MDGA1: variants seen among roughly 807,000 people sequenced by gnomAD.
The protein encoded by MDGA1 is MAM domain-containing glycosylphosphatidylinositol anchor protein 1.
A neutral mutation model predicts 101.5 loss-of-function variants in MDGA1; 54 were observed. The observed-to-expected ratio is 0.53, with a 90% CI of 0.43 to 0.67. The LOEUF (loss-of-function observed/expected upper bound fraction) is 0.67, where lower values mean the gene tolerates loss of function less well. Among genes scored for constraint, MDGA1 ranks in the 30% least tolerant of loss-of-function variants. MDGA1 has a pLI of 0.00. For missense variants in MDGA1, 1,083 were observed against 1,323.8 expected (o/e 0.82, Z 2.82); for synonymous variants, 533 against 558.3 (o/e 0.95, Z 0.64).
In MDGA1 at chr6:37,649,194, G is replaced by A. The variant is rs1306397711; in HGVS notation, c.1682C>T (p.Ser561Leu). The change falls in exon 9 of 17, where the codon TCG becomes TTG. Residue 561 changes from serine to leucine, a missense_variant. By Grantham distance (145) the Ser-to-Leu change is moderately radical. This residue lies in a region of MDGA1 where 657 missense variants were observed against 771.4 expected (regional missense o/e 0.85). Transcript: ENST00000434837. ...GCGCTGGGGGCTGCCTCGCAGCAGC[G>A]AGCAGCGCAGGAGCACGGGCCGGCC... ...ALGRPVLLRC[S>L]LLRGSPQRIA... The A allele has an allele frequency of 2.7e-6, 4 of 1,504,028 alleles. No homozygotes were observed. The highest frequency in any genetic ancestry group is 3.5e-6 in the Non-Finnish European group (4 of 1,134,918). The allele number at this position is 1,504,028 out of a possible 1,614,324, so 93.2% of individuals were successfully genotyped here. A position where few individuals can be genotyped will look rare whatever the true frequency, so the allele number is the denominator to read the frequency against.
intron 5 of MDGA1, 126 bp downstream of exon 5, chr6:37,654,674 G>A: frequency 2.0e-6 from 3 of 1,537,604 alleles, no homozygotes; most frequent in Non-Finnish European, 2.7e-6. Context: ...AGACGGAGCA[G>A]GAAGAGGAGG....
intron 1 of MDGA1, among the ~76,000 whole-genome samples, chr6:37,666,757 G>A (rs1425473813): frequency 6.6e-6 from 1 of 152,214 alleles, no homozygotes; most frequent in South Asian, 2.1e-4. Flanking sequence ...GAGAGATATA[G>A]AAGGCCCTGG....
At chr6:37,665,551 G>A (rs551465980) in intron 1 of MDGA1, among the ~76,000 whole-genome samples, 16 of 152,302 alleles carry the variant, frequency 1.1e-4, no homozygotes, top group African/African-American at 3.9e-4. Flanking sequence ...GCCCTGGCCT[G>A]GAGATAAGCA....
rs1761392322 is a variant in MDGA1 at position 37,652,416 on chromosome 6, CCCAGCTTCT to C, written c.983-85_983-77del. The C allele has an allele frequency of 8.8e-7, 1 of 1,142,184 alleles. No homozygotes were observed. The allele number at this position is 1,142,184 out of a possible 1,614,324, so 70.8% of individuals were successfully genotyped here. ...GGTCCATGTCCCACCCCAACCCAGA[CCCAGCTTCT>C]CCCCTCTAGCTGGCCCTTCTGGGGA... On this transcript the variant is annotated intron_variant, in intron 6 of 16. Transcript: ENST00000434837. This position sits in a 1 kb window ranked among gnomAD's most constrained non-coding sequence, Gnocchi z 4.3.
chr6:37,637,606 C>A, intron 16 of MDGA1, 147 bp from the exon 17 acceptor site: 1 of 645,858 alleles, frequency 1.5e-6, no homozygotes, highest in Non-Finnish European at 2.7e-6. Context: ...CACAGACAAA[C>A]TCACCGCACA....
intron 2 of MDGA1, among the ~76,000 whole-genome samples, chr6:37,658,907 G>A (rs1761557947): frequency 6.9e-6 from 1 of 145,218 alleles, no homozygotes; most frequent in Admixed American, 7.2e-5. Context: ...GGAGGCGGGG[G>A]TTGCAGTGAG....
rs767727903 is a variant in MDGA1 at position 37,650,274 on chromosome 6, C to A, written c.1444G>T (p.Ala482Ser). 5 of 1,607,392 alleles carry A rather than the reference C, an allele frequency of 3.1e-6. No individual in the cohort carries two copies. In the African/African-American group the frequency reaches 6.7e-5, roughly 21 times the overall value. Residue 482 changes from alanine (A) to serine (S), a missense_variant, in exon 8 of 17, where the codon GCT (alanine) becomes TCT (serine). This residue lies in a region of MDGA1 where 657 missense variants were observed against 771.4 expected (regional missense o/e 0.85). Coordinates refer to ENST00000434837, the MANE Select transcript of MDGA1 (RefSeq NM_153487.4). ...GGCAGCCCCGAGGGCAGCAGTGCAG[C>A]CTCCTTGTCCACGCGGGACCAGAGC... ...PVLWSRVDKE[A>S]ALLPSGLPLE...
chr6:37,643,985 C>A, intron 13 of MDGA1, 42 bp from the exon 14 acceptor site: 1 of 1,607,716 alleles, frequency 6.2e-7, no homozygotes, highest in Non-Finnish European at 8.5e-7. Context: ...CCCAAGACAG[C>A]CAGGCCTCTT....
chr6:37,666,147 A>G (rs1481355152), intron 1 of MDGA1, among the ~76,000 whole-genome samples: 1 of 150,896 alleles, frequency 6.6e-6, no homozygotes, highest in Non-Finnish European at 1.5e-5. Flanking sequence ...GGAGTTCAAG[A>G]CCAGCCTGAT....
intron 1 of MDGA1, chr6:37,664,322 A>G: frequency 3.6e-6 from 2 of 560,350 alleles, no homozygotes; most frequent in Non-Finnish European, 6.3e-6. Context: ...ACAGTTCCCC[A>G]ACCCCTTGCA....
Position 37,658,351 on chromosome 6 carries a change from C to G in MDGA1, c.276G>C (p.Thr92=). 6.2e-7 allele frequency: 1 copy of G among 1,613,186 alleles called. No individual in the cohort carries two copies. Among genetic ancestry groups the G allele is most frequent in the Non-Finnish European group, 8.5e-7 (1 of 1,179,698 alleles). ...KFQETSVFNE[T]LRIERIARTQ... ...TGCGTGCAATACGCTCGATGCGCAG[C>G]GTCTCGTTGAACACCGATGTCTCCT... is the stretch of plus-strand genomic sequence containing the variant. Residue 92 remains threonine (T), a synonymous_variant, in exon 3 of 17, where the codon ACG becomes ACC. Transcript: ENST00000434837.
At chr6:37,659,750 C>T (rs1761577572) in intron 2 of MDGA1, among the ~76,000 whole-genome samples, 2 of 152,178 alleles carry the variant, frequency 1.3e-5, no homozygotes, top group South Asian at 4.1e-4. Flanking sequence ...TTGCTGCTCT[C>T]ATCCCCTGCC....
At chr6:37,682,413 G>T (rs1226437030) in intron 1 of MDGA1, among the ~76,000 whole-genome samples, 1 of 152,242 alleles carries the variant, frequency 6.6e-6, no homozygotes, top group South Asian at 2.1e-4. Flanking sequence ...GAACCCAAGA[G>T]GTAGAGATTG....
At position 37,657,098 on chromosome 6, in the gene MDGA1, T is replaced by C. The variant is rs1761506990; in HGVS notation, c.382+1147A>G. On this transcript the variant is annotated intron_variant, in intron 3 of 16. Coordinates refer to ENST00000434837, the MANE Select transcript of MDGA1 (RefSeq NM_153487.4). Reference sequence around the variant, plus strand: ...GAAGTTGTTTACACACACACACATATGTAAAAAATCATTAACCTTTGCACT... The same window carrying C: ...GAAGTTGTTTACACACACACACATACGTAAAAAATCATTAACCTTTGCACT... 3.3e-5 allele frequency among the ~76,000 whole-genome samples: 5 copies of C among 152,276 alleles called. No individual in the cohort carries two copies. In the South Asian group the frequency reaches 8.3e-4, roughly 25 times the overall value.
chr6:37,666,524 T>A (rs1761758191), intron 1 of MDGA1, among the ~76,000 whole-genome samples: 1 of 152,174 alleles, frequency 6.6e-6, no homozygotes, highest in Non-Finnish European at 1.5e-5. Context: ...ACAGGCGCCT[T>A]CCTTCTTTAT....
At chr6:37,666,347 G>GAC (rs1761751575) in intron 1 of MDGA1, among the ~76,000 whole-genome samples, 1 of 139,266 alleles carries the variant, frequency 7.2e-6, no homozygotes, top group Non-Finnish European at 1.5e-5. Context: ...GCCACAGAGG[G>GAC]ACACTCCGTC....
rs148338700 is a variant in MDGA1 at position 37,636,078 on chromosome 6, T to C, written c.*1290A>G. ...ATATGCACGCATGCCTAAAGAGTCA[T>C]TCTAGAAGGGGCTGGGCCTTCTCTC... On this transcript the variant is annotated 3_prime_UTR_variant, in exon 17 of 17. Coordinates refer to ENST00000434837, the MANE Select transcript of MDGA1 (RefSeq NM_153487.4). 3.3e-3 allele frequency: 661 copies of C among 200,996 alleles called. 8 individuals are homozygous for C. The highest frequency in any genetic ancestry group is 0.013 in the African/African-American group (563 of 43,624). The allele number at this position is 200,996 out of a possible 1,614,324, so 12.5% of individuals were successfully genotyped here. A position where few individuals can be genotyped will look rare whatever the true frequency, so the allele number is the denominator to read the frequency against.
At chr6:37,656,046 A>C in intron 3 of MDGA1, 150 bp from the exon 4 acceptor site, 2 of 600,034 alleles carry the variant, frequency 3.3e-6, no homozygotes, top group Non-Finnish European at 5.7e-6. Context: ...AGCTTAACTA[A>C]CCTGTTAGAG....
At chr6:37,650,087 C>T (rs767906100) in intron 8 of MDGA1, 22 bp downstream of exon 8, 2 of 1,611,038 alleles carry the variant, frequency 1.2e-6, no homozygotes, top group South Asian at 1.1e-5. Flanking sequence ...GGAAGGTAGT[C>T]CGGGTGGCGT....
Sources: gnomAD v4.1 joint callset for allele counts (sites outside exome capture counted in the v4.1 genomes callset) on GRCh38, gnomAD v4.1.1 for gene constraint, gnomAD v4.1.1 regional missense constraint, Gnocchi (gnomAD v3.1) non-coding constraint, MANE v1.5 for transcripts, NCBI Gene and HGNC (gene_info 2026-07-23, HGNC 2026-07-21) for gene names.